The following TOM1L1 variants were observed in gnomAD, a reference collection of about 807,000 sequenced individuals.
TOM1L1 encodes the protein target of myb1 like 1 membrane trafficking protein, also known as TOM1-like protein 1.
Under a neutral mutation model 63.4 loss-of-function variants are expected in TOM1L1, and 64 were observed. The observed-to-expected ratio is 1.01, with a 90% CI of 0.83 to 1.24. The LOEUF (loss-of-function observed/expected upper bound fraction) is 1.24, where lower values mean the gene tolerates loss of function less well. TOM1L1 is among the 50% of genes most tolerant of loss of function. The pLI, the probability that TOM1L1 is intolerant of heterozygous loss-of-function variation, is 0.00. For missense variants in TOM1L1, 536 were observed against 567.0 expected, an observed-to-expected ratio of 0.95 and a Z score of 0.55; for synonymous variants, 166 against 194.4, an observed-to-expected ratio of 0.85 and a Z score of 1.22.
chr17:54,922,165 C>T (rs956763415), intron 7 of TOM1L1, among the ~76,000 whole-genome samples: 29 of 151,966 alleles, frequency 1.9e-4, no homozygotes, highest in Non-Finnish European at 1.5e-4. Context: ...TGGTGGTGGG[C>T]GCCTGTAGTC....
At position 54,913,285 on chromosome 17, in the gene TOM1L1, A is replaced by G. The variant is rs141844026; in HGVS notation, c.373-463A>G. Among the ~76,000 whole-genome samples the G allele has an allele frequency of 4.1e-4, 62 of 152,320 alleles. 1 individual carries two copies. In the East Asian group the frequency reaches 9.6e-3, roughly 24 times the overall value. ...ATTTTCCTAGCCTTTGAAAATGAGC[A>G]TTTTGCCCATGGCATTCAAAAGTAG... On this transcript the variant is annotated intron_variant, in intron 4 of 15. Coordinates refer to ENST00000575882, the MANE Select transcript of TOM1L1 (RefSeq NM_005486.3).
intron 5 of TOM1L1, 36 bp from the exon 6 acceptor site, chr17:54,914,603 T>C (rs1426296638): frequency 1.3e-6 from 2 of 1,558,854 alleles, no homozygotes; most frequent in Middle Eastern, 1.7e-4. Context: ...GCTATGTTAA[T>C]TCACATAATA....
chr17:54,945,922 A>G (rs1396540018), intron 11 of TOM1L1, among the ~76,000 whole-genome samples: 1 of 152,108 alleles, frequency 6.6e-6, no homozygotes, highest in South Asian at 2.1e-4. Context: ...GGTTCTTCAT[A>G]TGCCTCATAA....
intron 3 of TOM1L1, 33 bp from the exon 4 acceptor site, chr17:54,912,633 T>C (rs1253186691): frequency 4.1e-6 from 6 of 1,473,288 alleles, no homozygotes; most frequent in Non-Finnish European, 5.4e-6. Context: ...TTTTGCCAGA[T>C]AAATATAATG....
intron 7 of TOM1L1, among the ~76,000 whole-genome samples, chr17:54,917,844 C>A (rs2048616657): frequency 6.6e-6 from 1 of 152,158 alleles, no homozygotes; most frequent in Non-Finnish European, 1.5e-5. Flanking sequence ...TGTTTGGGAT[C>A]CATTTATGGA....
chr17:54,948,680 A>T (rs569144080), intron 12 of TOM1L1, among the ~76,000 whole-genome samples: 1 of 152,354 alleles, frequency 6.6e-6, no homozygotes, highest in African/African-American at 2.4e-5. Context: ...TGTCTGAGTC[A>T]TGAGGGCAGG....
At chr17:54,919,343 G>A (rs2048643766) in intron 7 of TOM1L1, among the ~76,000 whole-genome samples, 1 of 152,132 alleles carries the variant, frequency 6.6e-6, no homozygotes, top group Non-Finnish European at 1.5e-5. Flanking sequence ...GTCTTCCTGG[G>A]CCTTTCAGAG....
At position 54,913,813 on chromosome 17, in the gene TOM1L1, G is replaced by C; in HGVS notation, c.438G>C (p.Leu146=). 1 of 1,612,582 alleles carries C rather than the reference G, an allele frequency of 6.2e-7. No homozygotes were observed. The highest frequency in any genetic ancestry group is 8.5e-7 in the Non-Finnish European group (1 of 1,179,068). ...AAGTCAAAGAAGTATACCTCGACCT[G>C]GTTAAGAAAGGCGTTCAGTTTCCTC... ...VSEVKEVYLD[L]VKKGVQFPPS... Residue 146 remains leucine, a synonymous_variant, in exon 5 of 16, where the codon CTG becomes CTC. Coordinates refer to ENST00000575882, the MANE Select transcript of TOM1L1 (RefSeq NM_005486.3).
chr17:54,910,697 A>G (rs2048484117), intron 3 of TOM1L1, among the ~76,000 whole-genome samples: 1 of 152,220 alleles, frequency 6.6e-6, no homozygotes. Flanking sequence ...TTGTCTCACC[A>G]AACTGTACAG....
At chr17:54,954,605 G>A (rs565578016) in intron 14 of TOM1L1, 26 of 152,344 alleles carry the variant, frequency 1.7e-4, no homozygotes, top group African/African-American at 5.1e-4. Context: ...GGTGGACTAT[G>A]CCCCTGTATT....
At chr17:54,906,281 C>T (rs1022900901) in intron 3 of TOM1L1, among the ~76,000 whole-genome samples, 1 of 152,070 alleles carries the variant, frequency 6.6e-6, no homozygotes, top group Admixed American at 6.6e-5. Context: ...CCAGCCTGAC[C>T]AATATGGTGA....
At chr17:54,922,648 A>T (rs2048703895) in intron 7 of TOM1L1, among the ~76,000 whole-genome samples, 1 of 152,164 alleles carries the variant, frequency 6.6e-6, no homozygotes, top group Non-Finnish European at 1.5e-5. Flanking sequence ...GGAAGAGAAC[A>T]TATATTTACT....
intron 5 of TOM1L1, among the ~76,000 whole-genome samples, chr17:54,914,291 G>C (rs1013297702): frequency 6.7e-6 from 1 of 149,034 alleles, no homozygotes; most frequent in Non-Finnish European, 1.5e-5. Context: ...GACATGAATT[G>C]AGCTACCATT....
intron 8 of TOM1L1, among the ~76,000 whole-genome samples, chr17:54,931,371 C>T (rs1268054543): frequency 5.3e-5 from 8 of 152,160 alleles, no homozygotes; most frequent in Non-Finnish European, 1.2e-4. Context: ...TAGCAGAGTG[C>T]TAGCACATTG....
intron 8 of TOM1L1, among the ~76,000 whole-genome samples, chr17:54,932,228 A>G (rs868227665): frequency 3.3e-5 from 5 of 152,202 alleles, no homozygotes; most frequent in Middle Eastern, 3.4e-3. Context: ...CACAACTCTA[A>G]GGGGGTGCGT....
intron 11 of TOM1L1, among the ~76,000 whole-genome samples, chr17:54,946,163 TAAG>T (rs2049115269): frequency 1.3e-5 from 2 of 152,334 alleles, no homozygotes; most frequent in South Asian, 4.1e-4. Context: ...GTGGTCAGTC[TAAG>T]GTGGCAGGTT....
intron 2 of TOM1L1, among the ~76,000 whole-genome samples, chr17:54,904,090 G>T (rs575963238): frequency 1.3e-5 from 2 of 152,284 alleles, no homozygotes; most frequent in African/African-American, 4.8e-5. Flanking sequence ...GAAAAAGGCC[G>T]GGCGCAGTGG....
chr17:54,924,813 C>G (rs2048741798), intron 7 of TOM1L1, among the ~76,000 whole-genome samples: 1 of 152,168 alleles, frequency 6.6e-6, no homozygotes, highest in South Asian at 2.1e-4. Context: ...AAATTCAAAT[C>G]TGTATTCTTG....
chr17:54,936,548 T>C (rs1435621053), intron 8 of TOM1L1, 101 bp from the exon 9 acceptor site: 2 of 1,009,734 alleles, frequency 2.0e-6, no homozygotes, highest in East Asian at 2.7e-5. Context: ...ATGAGGCTGA[T>C]TGTCTTCATT....
Sources: gnomAD v4.1 joint callset for allele counts (sites outside exome capture counted in the v4.1 genomes callset) on GRCh38, gnomAD v4.1.1 for gene constraint, MANE v1.5 for transcripts, NCBI Gene and HGNC (gene_info 2026-07-23, HGNC 2026-07-21) for gene names.